RORA: variants seen among roughly 807,000 people sequenced by gnomAD.
RORA encodes the protein RAR related orphan receptor A.
A neutral mutation model predicts 69.5 loss-of-function variants in RORA; 7 were observed. The ratio of observed to expected loss-of-function variants is 0.10; its 90% confidence interval spans 0.06 to 0.19. The LOEUF (loss-of-function observed/expected upper bound fraction) is 0.19, where lower values mean the gene tolerates loss of function less well. RORA is among the 10% of genes least tolerant of loss of function. The pLI, the probability that RORA is intolerant of heterozygous loss-of-function variation, is 1.00. For synonymous variants in RORA, 261 were observed against 240.8 expected (o/e 1.08, Z -0.78); for missense variants, 457 against 663.0 (o/e 0.69, Z 3.41).
intron 1 of RORA, among the ~76,000 whole-genome samples, chr15:61,004,282 A>G (rs74018174): frequency 7.2e-5 from 11 of 151,876 alleles, no homozygotes; most frequent in Non-Finnish European, 1.3e-4. Flanking sequence ...GGGAGAGAGA[A>G]AGAGAGAGAG....
At chr15:60,519,618 G>C (rs2141378944) in intron 3 of RORA, among the ~76,000 whole-genome samples, 1 of 152,302 alleles carries the variant, frequency 6.6e-6, no homozygotes, top group Non-Finnish European at 1.5e-5. Context: ...TCTGAAATTA[G>C]TGTTTTCCCT....
At chr15:60,784,676 T>C (rs2072311407) in intron 1 of RORA, among the ~76,000 whole-genome samples, 1 of 152,236 alleles carries the variant, frequency 6.6e-6, no homozygotes. Flanking sequence ...CTTTCAGTGT[T>C]GGTTCAGAAG....
chr15:61,166,753 A>T (rs1322226030), intron 1 of RORA, among the ~76,000 whole-genome samples: 2 of 152,146 alleles, frequency 1.3e-5, no homozygotes, highest in Non-Finnish European at 2.9e-5. Context: ...CACAGTGCTC[A>T]TCCCACCACA....
chr15:61,144,334 T>C (rs2079326586), intron 1 of RORA, among the ~76,000 whole-genome samples: 1 of 152,204 alleles, frequency 6.6e-6, no homozygotes, highest in South Asian at 2.1e-4. Flanking sequence ...AAAAAGGAGC[T>C]GAGCCTTTTA....
At chr15:60,758,195 G>C in intron 1 of RORA, among the ~76,000 whole-genome samples, 1 of 152,132 alleles carries the variant, frequency 6.6e-6, no homozygotes, top group South Asian at 2.1e-4. Context: ...CACAATGCCT[G>C]GCACAGGGTG....
intron 1 of RORA, among the ~76,000 whole-genome samples, chr15:60,846,670 C>T (rs529268886): frequency 2.6e-5 from 4 of 152,304 alleles, no homozygotes; most frequent in South Asian, 4.1e-4. Flanking sequence ...TGATGGTACC[C>T]GCAGGCTGGA....
chr15:60,921,975 C>T (rs1339384019), intron 1 of RORA, among the ~76,000 whole-genome samples: 1 of 152,134 alleles, frequency 6.6e-6, no homozygotes, highest in Non-Finnish European at 1.5e-5. Flanking sequence ...CCCATGGACC[C>T]CGTCACTGAG....
At chr15:60,954,783 T>C (rs7184001) in intron 1 of RORA, among the ~76,000 whole-genome samples, 151,998 of 152,326 alleles carry the variant, frequency 1, 75,837 homozygotes, top group Non-Finnish European at 1. Context: ...CCAGTTATTT[T>C]TGCTGAGCTC....
intron 1 of RORA, among the ~76,000 whole-genome samples, chr15:60,742,215 T>A (rs2071583857): frequency 1.3e-5 from 2 of 152,234 alleles, no homozygotes; most frequent in South Asian, 4.1e-4. Context: ...ATGCTGTTAT[T>A]CTTTTAAAAA....
intron 2 of RORA, among the ~76,000 whole-genome samples, chr15:60,641,118 AT>A (rs1321243701): frequency 3.3e-5 from 5 of 151,962 alleles, no homozygotes; most frequent in African/African-American, 1.2e-4. Flanking sequence ...TGCCCAGCTA[AT>A]TTTTTGTATT....
intron 2 of RORA, among the ~76,000 whole-genome samples, chr15:60,651,064 G>A (rs1019630115): frequency 3.3e-5 from 5 of 152,118 alleles, no homozygotes; most frequent in South Asian, 2.1e-4. Flanking sequence ...TATTGTCAGC[G>A]GTGGAAAGAG....
intron 2 of RORA, among the ~76,000 whole-genome samples, chr15:60,604,993 TAACA>T (rs1471137551): frequency 1.3e-5 from 2 of 152,202 alleles, no homozygotes; most frequent in Non-Finnish European, 1.5e-5. Context: ...TAAAATATAC[TAACA>T]AACAGTGTGA....
At chr15:61,028,325 T>C (rs934651106) in intron 1 of RORA, among the ~76,000 whole-genome samples, 1 of 152,186 alleles carries the variant, frequency 6.6e-6, no homozygotes, top group African/African-American at 2.4e-5. Flanking sequence ...CCTTCCTATC[T>C]CCAGCACAAT....
chr15:60,815,337 T>G (rs998056758), intron 1 of RORA, among the ~76,000 whole-genome samples: 4 of 152,192 alleles, frequency 2.6e-5, no homozygotes, highest in Non-Finnish European at 5.9e-5. Context: ...TGTCTCTCCC[T>G]GGCAAAACAA....
intron 2 of RORA, among the ~76,000 whole-genome samples, chr15:60,669,173 T>C (rs1014965418): frequency 7.2e-5 from 11 of 152,168 alleles, no homozygotes; most frequent in Admixed American, 3.9e-4. Flanking sequence ...ATTTTTCAAG[T>C]TTCACTGCAC....
intron 2 of RORA, among the ~76,000 whole-genome samples, chr15:60,582,912 AC>A (rs1293726428): frequency 1.3e-5 from 2 of 152,172 alleles, no homozygotes; most frequent in African/African-American, 4.8e-5. Flanking sequence ...TACTGTTTTT[AC>A]ATTGGCCTAG....
chr15:60,557,948 C>G lies in RORA; in HGVS notation c.197-26097G>C, dbSNP rs1000488884. On this transcript the variant is annotated intron_variant, in intron 2 of 10. Transcript: ENST00000335670. The stretch of plus-strand genomic sequence containing the variant: ...CTTTTCTCTGTAGAGAATTTTGAAT[C>G]GAATTTACTTTCTTGATGATAAACA... 14 of 259,114 alleles carry G rather than the reference C, an allele frequency of 5.4e-5. No individual in the cohort carries two copies. The East Asian group carries it at 7.7e-4, about 14-fold the overall frequency. The allele number at this position is 259,114 out of a possible 1,614,324, so 16.1% of individuals were successfully genotyped here. A position where few individuals can be genotyped will look rare whatever the true frequency, so the allele number is the denominator to read the frequency against.
At chr15:61,110,251 C>A (rs536257244) in intron 1 of RORA, among the ~76,000 whole-genome samples, 12 of 152,066 alleles carry the variant, frequency 7.9e-5, no homozygotes, top group Non-Finnish European at 1.5e-4. Context: ...CAAAAATTAG[C>A]GGGGCATGGT....
At chr15:61,009,351 C>T (rs966056174) in intron 1 of RORA, among the ~76,000 whole-genome samples, 13 of 152,170 alleles carry the variant, frequency 8.5e-5, no homozygotes, top group Non-Finnish European at 1.5e-4. Context: ...TTGCAGCCCT[C>T]GTTTCACTCT....
Sources: allele counts gnomAD v4.1 joint callset (sites outside exome capture counted in the v4.1 genomes callset), GRCh38; gene constraint gnomAD v4.1.1; transcripts MANE v1.5; gene names NCBI Gene and HGNC (gene_info 2026-07-23, HGNC 2026-07-21).